The following NAALADL1 variants were observed in gnomAD, a reference collection of about 807,000 sequenced individuals.
NAALADL1 encodes the protein aminopeptidase NAALADL1.
In NAALADL1, 77 loss-of-function variants were observed where a neutral mutation model predicts 82.8. The ratio of observed to expected loss-of-function variants is 0.93; its 90% CI spans 0.77 to 1.12. The LOEUF (loss-of-function observed/expected upper bound fraction) is 1.12. Ranked by LOEUF, NAALADL1 falls within the 50% of genes most tolerant of loss-of-function variation. NAALADL1 has a pLI of 0.00. For missense variants in NAALADL1, 956 were observed against 964.0 expected (o/e 0.99, Z 0.11); for synonymous variants, 358 against 399.2 (o/e 0.90, Z 1.23).
rs1946842371 is a variant in NAALADL1 at position 65,049,984 on chromosome 11, T to C, written c.1199-1599A>G. Reference sequence around the variant, plus strand: ...TCTGCCCCCCAGGTTCAAGCGATTCTCCTGCCTCAGCCTCCCGAGTAGCTG... The same window carrying C: ...TCTGCCCCCCAGGTTCAAGCGATTCCCCTGCCTCAGCCTCCCGAGTAGCTG... On this transcript the variant is annotated intron_variant, in intron 8 of 17. Coordinates refer to ENST00000358658, the MANE Select transcript of NAALADL1 (RefSeq NM_005468.3). Among the ~76,000 whole-genome samples the C allele has an allele frequency of 2.0e-5, 3 of 151,392 alleles. No individual in the cohort carries two copies. In the South Asian group the frequency reaches 6.4e-4, roughly 32 times the overall value.
chr11:65,053,260 G>A lies in NAALADL1; in HGVS notation c.1156C>T (p.Leu386Phe). The change falls in exon 8 of 18, where the codon CTC becomes TTC. Residue 386 changes from leucine to phenylalanine, a missense_variant. Leu to Phe is a conservative substitution (Grantham distance 22, BLOSUM62 0). Transcript: ENST00000358658. The surrounding 1 kb of genome is among the most constrained non-coding windows in gnomAD (Gnocchi z 4.3). ...CCCAGGACACGGGAGAGCTCCAGGA[G>A]GACGGCGGTGCCACTGCTGGGGTCC... ...AVDPSSGTAV[L>F]LELSRVLGTL... 1 of 1,554,360 alleles carries A rather than the reference G, an allele frequency of 6.4e-7. No homozygotes were observed. Among genetic ancestry groups the A allele is most frequent in the Non-Finnish European group, 8.7e-7 (1 of 1,149,054 alleles).
rs746097637 is a variant in NAALADL1, at chr11:65,058,006, G to A, written c.359-10C>T. The A allele has an allele frequency of 3.3e-5, 53 of 1,614,050 alleles. No homozygotes were observed. Among genetic ancestry groups the A allele is most frequent in the Non-Finnish European group, 4.3e-5 (51 of 1,180,010 alleles). ...CCCCCAGTGGGGCCCACTGTTGGAG[G>A]GGTGGCAGTATCATGGCTGGGCCCA... On this transcript the variant is annotated splice_polypyrimidine_tract_variant and intron_variant, in intron 2 of 17. Transcript: ENST00000358658.
upstream of NAALADL1, among the ~76,000 whole-genome samples, chr11:65,060,155 CAT>C (rs964017684): frequency 1.3e-5 from 2 of 150,904 alleles, no homozygotes; most frequent in Non-Finnish European, 3.0e-5. Context: ...TGTGCACGTG[CAT>C]GTGTGTGTGT....
At chr11:65,058,993 ACT>A (rs1947123688), upstream of NAALADL1, among the ~76,000 whole-genome samples, 1 of 149,220 alleles carries the variant, frequency 6.7e-6, no homozygotes, top group Non-Finnish European at 1.5e-5. Context: ...TGGGCAATCC[ACT>A]CAGCTTCTCT....
In NAALADL1 at chr11:65,046,154, G is replaced by A. The variant is rs754181634; in HGVS notation, c.1855+35C>T. On this transcript the variant is annotated intron_variant, in intron 15 of 17. Transcript: ENST00000358658. ...CAGTGGCTCAGTCATGGGGGTGCAG[G>A]GCTCCCCATACCTCAGGGTCAGGGC... is the stretch of plus-strand genomic sequence containing the variant. 2.5e-6 allele frequency: 4 copies of A among 1,613,974 alleles called. No individual in the cohort carries two copies. In the East Asian group the frequency reaches 8.9e-5, roughly 36 times the overall value.
Position 65,053,072 on chromosome 11 carries a change from C to A in NAALADL1, c.1198+146G>T, listed in dbSNP as rs568684950. 1.9e-5 allele frequency: 20 copies of A among 1,060,294 alleles called. No individual in the cohort carries two copies. Among genetic ancestry groups the A allele is most frequent in the Middle Eastern group, 3.2e-4 (1 of 3,154 alleles). 65.7% of individuals were successfully genotyped at this position (1,060,294 alleles called of 1,614,324 possible). On this transcript the variant is annotated intron_variant, in intron 8 of 17. Coordinates refer to ENST00000358658, the MANE Select transcript of NAALADL1 (RefSeq NM_005468.3). The surrounding 1 kb of genome is among the most constrained non-coding windows in gnomAD (Gnocchi z 4.3). The stretch of plus-strand genomic sequence containing the variant: ...TTCCCTGTACCACACTGGGCTGCTG[C>A]AGGCCAAGGCTGGTGTCATGCATGT...
intron 13 of NAALADL1, 27 bp downstream of exon 13, chr11:65,047,448 G>A: frequency 1.3e-6 from 2 of 1,545,314 alleles, no homozygotes; most frequent in Non-Finnish European, 1.8e-6. Context: ...AAGGTACCGA[G>A]GCAGGGACGG....
At chr11:65,057,758 A>C (rs1319480296) in intron 3 of NAALADL1, 117 bp downstream of exon 3, 1 of 1,477,418 alleles carries the variant, frequency 6.8e-7, no homozygotes, top group Non-Finnish European at 9.3e-7. Context: ...CCGGTGAGTA[A>C]ATTCCGGAGG....
At chr11:65,057,831 C>A (rs370053611) in intron 3 of NAALADL1, 44 bp downstream of exon 3, 41 of 1,608,712 alleles carry the variant, frequency 2.5e-5, no homozygotes, top group African/African-American at 6.7e-5. Context: ...CTGGGTGGAA[C>A]CAAGGGAGCT....
At chr11:65,047,616 G>T in intron 12 of NAALADL1, 31 bp downstream of exon 12, 2 of 1,585,262 alleles carry the variant, frequency 1.3e-6, no homozygotes, top group Non-Finnish European at 1.7e-6. Flanking sequence ...GGACCGCCTC[G>T]CTCCGGGCCC....
chr11:65,051,603 A>G (rs1400203534), intron 8 of NAALADL1, among the ~76,000 whole-genome samples: 1 of 152,060 alleles, frequency 6.6e-6, no homozygotes, highest in Admixed American at 6.6e-5. Flanking sequence ...AAGTGCAGGG[A>G]TAACAGGCAT....
chr11:65,055,065 G>C (rs1947001927), intron 4 of NAALADL1, among the ~76,000 whole-genome samples: 1 of 152,248 alleles, frequency 6.6e-6, no homozygotes, highest in Non-Finnish European at 1.5e-5. Flanking sequence ...AATAGCCCAA[G>C]TGTCCATCAA....
chr11:65,048,651 T>A (rs551697724), intron 8 of NAALADL1, among the ~76,000 whole-genome samples: 76 of 152,138 alleles, frequency 5.0e-4, no homozygotes, highest in African/African-American at 1.8e-3. Flanking sequence ...CTGGGAAGAC[T>A]TCCGACCCTC....
intron 8 of NAALADL1, among the ~76,000 whole-genome samples, chr11:65,050,162 C>T (rs1946848227): frequency 6.6e-6 from 1 of 151,766 alleles, no homozygotes; most frequent in African/African-American, 2.4e-5. Context: ...AGGCATGAGC[C>T]ACGACACCCA....
chr11:65,056,748 C>T (rs1947051212), intron 4 of NAALADL1, among the ~76,000 whole-genome samples: 2 of 142,730 alleles, frequency 1.4e-5, no homozygotes, highest in African/African-American at 2.6e-5. Flanking sequence ...ATCAGAGTCT[C>T]GATGTCTCCC....
chr11:65,053,439 C>T lies in NAALADL1; in HGVS notation c.1078+52G>A. On this transcript the variant is annotated intron_variant, in intron 7 of 17. Transcript: ENST00000358658. The surrounding 1 kb of genome is among the most constrained non-coding windows in gnomAD (Gnocchi z 4.3). Reference sequence around the variant, plus strand: ...GGGCAGGGCTGGATGAGGACAGCGGCATCCAGAGCAGAGCAGGGGCCTGGG... The same window carrying T: ...GGGCAGGGCTGGATGAGGACAGCGGTATCCAGAGCAGAGCAGGGGCCTGGG... The T allele has an allele frequency of 6.8e-6, 11 of 1,612,684 alleles. No individual in the cohort carries two copies. Among genetic ancestry groups the T allele is most frequent in the Non-Finnish European group, 9.3e-6 (11 of 1,179,084 alleles).
At position 65,047,736 on chromosome 11, in the gene NAALADL1, G is replaced by A. The variant is rs1438242130; in HGVS notation, c.1419C>T (p.Ile473=). 6.3e-7 allele frequency: 1 copy of A among 1,598,492 alleles called. No individual in the cohort carries two copies. Among genetic ancestry groups the A allele is most frequent in the Non-Finnish European group, 8.5e-7 (1 of 1,173,664 alleles). ...TCAGGTCGCCAGGGCCTGGTGAGCGGATCTGGCCGGAAGGAGAATTTAGTC... is the reference window on the plus strand; with the variant it reads ...TCAGGTCGCCAGGGCCTGGTGAGCGAATCTGGCCGGAAGGAGAATTTAGTC... The part of the protein sequence containing the change: ...QSVVFSATKE[I]RSPGPGDLSI... Residue 473 remains isoleucine, a splice_region_variant and synonymous_variant, in exon 12 of 18, where the codon ATC becomes ATT. Coordinates refer to ENST00000358658, the MANE Select transcript of NAALADL1 (RefSeq NM_005468.3).
In NAALADL1 at chr11:65,053,139, G is replaced by T; in HGVS notation, c.1198+79C>A. ...CAGGCATGGCACAAGGAGCACTGCA[G>T]TGTGAGGGAGAGGAGGTGGAACAGG... On this transcript the variant is annotated intron_variant, in intron 8 of 17. Coordinates refer to ENST00000358658, the MANE Select transcript of NAALADL1 (RefSeq NM_005468.3). This position sits in a 1 kb window ranked among gnomAD's most constrained non-coding sequence, Gnocchi z 4.3. 1 of 1,463,188 alleles carries T rather than the reference G, an allele frequency of 6.8e-7. No homozygotes were observed. Among genetic ancestry groups the T allele is most frequent in the Non-Finnish European group, 9.1e-7 (1 of 1,100,306 alleles). 90.6% of individuals were successfully genotyped at this position (1,463,188 alleles called of 1,614,324 possible). A position where few individuals can be genotyped will look rare whatever the true frequency, so the allele number is the denominator to read the frequency against.
chr11:65,048,365 A>T lies in NAALADL1; in HGVS notation c.1219T>A (p.Ser407Thr). The change falls in exon 9 of 18, where the codon TCA (serine) becomes ACA (threonine). Residue 407 changes from serine to threonine, a missense_variant. Coordinates refer to ENST00000358658, the MANE Select transcript of NAALADL1 (RefSeq NM_005468.3). The part of the protein sequence containing the change: ...LKKGTWRPRR[S>T]IVFASWGAEE... ...GCCCCCCAGCTCGCAAACACGATTG[A>T]TCTGCGAGGACGCCAGGTGCCTGGG... The T allele has an allele frequency of 1.9e-6, 3 of 1,614,120 alleles. No individual in the cohort carries two copies. The South Asian group carries it at 3.3e-5, about 18-fold the overall frequency.
Sources: allele counts gnomAD v4.1 joint callset (sites outside exome capture counted in the v4.1 genomes callset), GRCh38; gene constraint gnomAD v4.1.1; non-coding constraint Gnocchi (gnomAD v3.1); transcripts MANE v1.5; gene names NCBI Gene and HGNC (gene_info 2026-07-23, HGNC 2026-07-21).